The following ZNF609 variants were observed in gnomAD, a reference collection of about 807,000 sequenced individuals.
The protein encoded by ZNF609 is zinc finger protein 609.
Under a neutral mutation model 109.5 loss-of-function variants are expected in ZNF609, and 11 were observed. That is an observed-to-expected ratio of 0.10 (90% confidence interval 0.06 to 0.17). The LOEUF is 0.17. Among genes scored for constraint, ZNF609 ranks in the 10% least tolerant of loss-of-function variants. The pLI, the probability that ZNF609 is intolerant of heterozygous loss-of-function variation, is 1.00. For missense variants in ZNF609, 1,559 were observed against 1,772.4 expected (o/e 0.88, Z 2.16); for synonymous variants, 646 against 662.0 (o/e 0.98, Z 0.37).
intron 2 of ZNF609, among the ~76,000 whole-genome samples, chr15:64,549,996 C>T (rs1165994064): frequency 6.6e-6 from 1 of 152,042 alleles, no homozygotes; most frequent in Non-Finnish European, 1.5e-5. Flanking sequence ...AAGGGTCTTG[C>T]TATATTGCCC....
intron 3 of ZNF609, among the ~76,000 whole-genome samples, chr15:64,627,663 C>CTTT (rs35293725): frequency 0.26 from 22,109 of 85,958 alleles, 4,324 homozygotes; most frequent in Admixed American, 0.38. Flanking sequence ...TTTTTTCTTT[C>CTTT]TTTTTTTTTT....
intron 1 of ZNF609, among the ~76,000 whole-genome samples, chr15:64,484,739 G>T (rs931170924): frequency 8.0e-5 from 12 of 149,840 alleles, no homozygotes; most frequent in Admixed American, 7.4e-4. Flanking sequence ...ACTTTGGGAG[G>T]CCGAGGCGGG....
intron 6 of ZNF609, 97 bp downstream of exon 6, chr15:64,678,579 T>G: frequency 6.7e-7 from 1 of 1,495,574 alleles, no homozygotes; most frequent in Non-Finnish European, 8.9e-7. Flanking sequence ...CCAAGGCATA[T>G]TGAGGCTCGC....
intron 2 of ZNF609, among the ~76,000 whole-genome samples, chr15:64,523,601 A>G (rs1218261681): frequency 6.6e-6 from 1 of 152,060 alleles, no homozygotes; most frequent in Non-Finnish European, 1.5e-5. Context: ...CCCTGTCTCT[A>G]AAAATACAAA....
At chr15:64,587,305 A>G (rs1337502615) in intron 2 of ZNF609, among the ~76,000 whole-genome samples, 1 of 152,158 alleles carries the variant, frequency 6.6e-6, no homozygotes, top group African/African-American at 2.4e-5. Flanking sequence ...ATCTTCCTTT[A>G]TATAAGGAAT....
At chr15:64,588,608 G>T (rs1895242948) in intron 2 of ZNF609, among the ~76,000 whole-genome samples, 1 of 150,696 alleles carries the variant, frequency 6.6e-6, no homozygotes, top group South Asian at 2.1e-4. Context: ...GCCTCCCATA[G>T]TGCTGGAATT....
chr15:64,593,003 G>C (rs1895327540), intron 2 of ZNF609: 3 of 1,539,084 alleles, frequency 1.9e-6, no homozygotes, highest in East Asian at 4.5e-5. Context: ...AAGGAACAAT[G>C]GTCGTGCCAA....
chr15:64,683,244 TG>T lies in ZNF609; in HGVS notation c.*1560del, dbSNP rs2083221714. The T allele has an allele frequency of 6.6e-6, 1 of 152,586 alleles. No homozygotes were observed. Among genetic ancestry groups the T allele is most frequent in the African/African-American group, 2.4e-5 (1 of 41,414 alleles). The allele number at this position is 152,586 out of a possible 1,614,324, so 9.5% of individuals were successfully genotyped here. ...AAGACTGACAGACACCAGTGTAGGC[TG>T]GAAAAGGGAGTGTGTGACCAGAGTG... On this transcript the variant is annotated 3_prime_UTR_variant, in exon 10 of 10. Coordinates refer to ENST00000326648, the MANE Select transcript of ZNF609 (RefSeq NM_015042.2).
chr15:64,464,624 AAT>A (rs1380829001), intron 1 of ZNF609, among the ~76,000 whole-genome samples: 1 of 152,232 alleles, frequency 6.6e-6, no homozygotes, highest in Admixed American at 6.5e-5. Context: ...CAAAATGCAA[AAT>A]ATCGTAATGT....
At chr15:64,611,569 A>C in intron 2 of ZNF609, among the ~76,000 whole-genome samples, 1 of 152,272 alleles carries the variant, frequency 6.6e-6, no homozygotes, top group East Asian at 1.9e-4. Flanking sequence ...CTTTAGCAGA[A>C]AAGGATTTAG....
intron 2 of ZNF609, among the ~76,000 whole-genome samples, chr15:64,576,965 C>CATAT (rs1894971029): frequency 1.5e-5 from 2 of 131,534 alleles, no homozygotes; most frequent in African/African-American, 5.8e-5. Flanking sequence ...TGTATATATA[C>CATAT]ACATAAATAT....
intron 1 of ZNF609, among the ~76,000 whole-genome samples, chr15:64,472,540 G>C (rs1273881452): frequency 6.6e-6 from 1 of 152,160 alleles, no homozygotes; most frequent in Admixed American, 6.6e-5. Flanking sequence ...TGGTTGAGAT[G>C]AATTTTCATT....
At chr15:64,523,837 G>A (rs952263805) in intron 2 of ZNF609, among the ~76,000 whole-genome samples, 3 of 151,706 alleles carry the variant, frequency 2.0e-5, no homozygotes, top group Non-Finnish European at 4.4e-5. Context: ...GAGAAATGAT[G>A]GCTGATGGCC....
In ZNF609 at chr15:64,680,779, A is replaced by G. The variant is rs1896873672; in HGVS notation, c.4079A>G (p.Gln1360Arg). The change falls in exon 8 of 10, where the codon CAG becomes CGG. Residue 1360 changes from glutamine to arginine, a missense_variant. Coordinates refer to ENST00000326648, the MANE Select transcript of ZNF609 (RefSeq NM_015042.2). ...GACCGGCCCCGCACCTCTCCTTCCC[A>G]GCGCCTGATGTCCACACACCACCAC... ...SVDRPRTSPSQRLMSTHHHHH... is the reference protein window; with the variant it reads ...SVDRPRTSPSRRLMSTHHHHH... 9 of 1,613,594 alleles carry G rather than the reference A, an allele frequency of 5.6e-6. No homozygotes were observed. The highest frequency in any genetic ancestry group is 7.6e-6 in the Non-Finnish European group (9 of 1,179,954).
intron 2 of ZNF609, among the ~76,000 whole-genome samples, chr15:64,506,877 G>A (rs1351150604): frequency 2.6e-5 from 4 of 152,168 alleles, no homozygotes; most frequent in African/African-American, 7.2e-5. Context: ...ATAATGTACT[G>A]AAATACAACA....
intron 3 of ZNF609, among the ~76,000 whole-genome samples, chr15:64,667,831 G>C (rs1376590741): frequency 1.3e-5 from 2 of 152,174 alleles, no homozygotes; most frequent in Non-Finnish European, 2.9e-5. Context: ...TGATTTCAGA[G>C]GAGTAAATAG....
At chr15:64,573,614 C>G (rs901214615) in intron 2 of ZNF609, among the ~76,000 whole-genome samples, 1 of 151,764 alleles carries the variant, frequency 6.6e-6, no homozygotes, top group Non-Finnish European at 1.5e-5. Flanking sequence ...CCGCCCACCT[C>G]GGCCTCCCAA....
chr15:64,470,016 CAGT>C (rs1483803672), intron 1 of ZNF609, among the ~76,000 whole-genome samples: 4 of 152,126 alleles, frequency 2.6e-5, no homozygotes, highest in Non-Finnish European at 5.9e-5. Flanking sequence ...TTTGACTAGT[CAGT>C]AGAAATTCCA....
rs545974723 is a variant in ZNF609, at chr15:64,684,526, T to G, written c.*2840T>G. Reference sequence around the variant, plus strand: ...TATGGCAGTTCCCTTCATCCCCTTTTCCTGCCTTGTACATGTACATGTATG... The same window carrying G: ...TATGGCAGTTCCCTTCATCCCCTTTGCCTGCCTTGTACATGTACATGTATG... On this transcript the variant is annotated 3_prime_UTR_variant, in exon 10 of 10. Coordinates refer to ENST00000326648, the MANE Select transcript of ZNF609 (RefSeq NM_015042.2). The G allele has an allele frequency of 6.6e-6, 1 of 152,474 alleles. No homozygotes were observed. The highest frequency in any genetic ancestry group is 1.5e-5 in the Non-Finnish European group (1 of 68,070). 9.4% of individuals were successfully genotyped at this position (152,474 alleles called of 1,614,324 possible). A position where few individuals can be genotyped will look rare whatever the true frequency, so the allele number is the denominator to read the frequency against.
Sources: allele counts gnomAD v4.1 joint callset (sites outside exome capture counted in the v4.1 genomes callset), GRCh38; gene constraint gnomAD v4.1.1; transcripts MANE v1.5; gene names NCBI Gene and HGNC (gene_info 2026-07-23, HGNC 2026-07-21).